The following KLB variants were observed in gnomAD, a reference collection of about 807,000 sequenced individuals.
KLB encodes beta-klotho.
KLB carries 44 observed loss-of-function variants against 88.4 expected under a neutral mutation model. The ratio of observed to expected loss-of-function variants is 0.50; its 90% CI spans 0.39 to 0.64. The LOEUF (loss-of-function observed/expected upper bound fraction) is 0.64, where lower values mean the gene tolerates loss of function less well. Ranked by LOEUF, KLB falls within the 30% of genes least tolerant of loss-of-function variation. The pLI is 0.00. For missense variants in KLB, 1,137 were observed against 1,304.8 expected (o/e 0.87, Z 1.98); for synonymous variants, 548 against 513.4 (o/e 1.07, Z -0.91).
rs560109973 is a variant in KLB, at chr4:39,450,288, T to C, written c.*1602T>C. The C allele has an allele frequency of 4.0e-4, 61 of 152,366 alleles. 1 individual carries two copies. Among genetic ancestry groups the C allele is most frequent in the African/African-American group, 1.5e-3 (61 of 41,592 alleles). 9.4% of individuals were successfully genotyped at this position (152,366 alleles called of 1,614,324 possible). A position where few individuals can be genotyped will look rare whatever the true frequency, so the allele number is the denominator to read the frequency against. The stretch of plus-strand genomic sequence containing the variant: ...CCCACTGCATACATTAATTTGTCCT[T>C]GTCTGCTCACTCCAGCAATTTAGAC... On this transcript the variant is annotated 3_prime_UTR_variant, in exon 5 of 5. Coordinates refer to ENST00000257408, the MANE Select transcript of KLB (RefSeq NM_175737.4).
At position 39,447,442 on chromosome 4, in the gene KLB, T is replaced by TACCTAGGGAAGTACC; in HGVS notation, c.2717_2731dup (p.Tyr910_Leu911insHisLeuGlyLysTyr). The TACCTAGGGAAGTACC allele has an allele frequency of 6.2e-7, 1 of 1,603,520 alleles. No homozygotes were observed. Among genetic ancestry groups the TACCTAGGGAAGTACC allele is most frequent in the South Asian group, 1.1e-5 (1 of 89,406 alleles). ...GGAGGATGACCGGCTCCGGAAGTAC[T>TACCTAGGGAAGTACC]ACCTAGGGAAGTACCTTCAGGAGGT... On this transcript the variant is annotated inframe_insertion, in exon 4 of 5. Coordinates refer to ENST00000257408, the MANE Select transcript of KLB (RefSeq NM_175737.4).
At chr4:39,413,008 T>C (rs1326842102) in intron 1 of KLB, among the ~76,000 whole-genome samples, 1 of 152,198 alleles carries the variant, frequency 6.6e-6, no homozygotes, top group African/African-American at 2.4e-5. Context: ...CTAATTCAAA[T>C]TGGCTAAAGC....
chr4:39,446,453 GCA>G lies in KLB; in HGVS notation c.1730_1731del (p.Thr577ArgfsTer10). 1 of 1,614,216 alleles carries G rather than the reference GCA, an allele frequency of 6.2e-7. No homozygotes were observed. On this transcript the variant is annotated frameshift_variant, in exon 4 of 5. Coordinates refer to ENST00000257408, the MANE Select transcript of KLB (RefSeq NM_175737.4). LOFTEE classifies it high-confidence loss of function. This position sits in a 1 kb window ranked among gnomAD's most constrained non-coding sequence, Gnocchi z 6.4. Reference sequence around the variant, plus strand: ...AGGCTGAAAACACGACCCGCTCAATGCACAGATTTTGTAAACATCAAAAAACA... The same window carrying G: ...AGGCTGAAAACACGACCCGCTCAATGCAGATTTTGTAAACATCAAAAAACA...
chr4:39,412,208 A>C (rs1190436613), intron 1 of KLB, among the ~76,000 whole-genome samples: 1 of 152,068 alleles, frequency 6.6e-6, no homozygotes, highest in Non-Finnish European at 1.5e-5. Flanking sequence ...CCCCAAAACT[A>C]TTGAAATTTT....
chr4:39,407,109 T>G lies in KLB; in HGVS notation c.160T>G (p.Ser54Ala), dbSNP rs1350166631. Residue 54 changes from serine to alanine, a missense_variant, in exon 1 of 5, where the codon TCT becomes GCT. Ser to Ala is a moderately conservative substitution (Grantham distance 99). Coordinates refer to ENST00000257408, the MANE Select transcript of KLB (RefSeq NM_175737.4). Reference protein sequence around the residue: ...LILLRAVTGFSGDGRAIWSKN... With the variant: ...LILLRAVTGFAGDGRAIWSKN... ...TCTGCTACGAGCTGTTACTGGATTC[T>G]CTGGAGATGGAAGAGCTATATGGTC... The G allele has an allele frequency of 1.4e-5, 23 of 1,614,208 alleles. No homozygotes were observed. The highest frequency in any genetic ancestry group is 2.2e-5 in the East Asian group (1 of 44,894).
intron 3 of KLB, among the ~76,000 whole-genome samples, chr4:39,444,128 G>T (rs903618407): frequency 3.9e-5 from 6 of 152,188 alleles, no homozygotes; most frequent in African/African-American, 1.4e-4. Flanking sequence ...TTGCACTCCA[G>T]CCTGGGCGAC....
At chr4:39,431,962 T>C (rs768947857) in intron 1 of KLB, among the ~76,000 whole-genome samples, 15 of 152,164 alleles carry the variant, frequency 9.9e-5, no homozygotes, top group Non-Finnish European at 1.9e-4. Context: ...GTGCTAAAGA[T>C]AATGAGTCTG....
intron 3 of KLB, among the ~76,000 whole-genome samples, chr4:39,440,591 T>C (rs1743577284): frequency 6.6e-6 from 1 of 152,110 alleles, no homozygotes; most frequent in Non-Finnish European, 1.5e-5. Context: ...TTTATATAGT[T>C]ATTTATTTTT....
chr4:39,423,141 AG>A (rs1400882355), intron 1 of KLB, among the ~76,000 whole-genome samples: 1 of 151,916 alleles, frequency 6.6e-6, no homozygotes, highest in Non-Finnish European at 1.5e-5. Context: ...GTGGTCCCTG[AG>A]GGATTCACTT....
Position 39,450,930 on chromosome 4 carries a change from T to C in KLB, c.*2244T>C, listed in dbSNP as rs1169505612. ...AATTTATCTTTCAGGTTTTGCTTTC[T>C]CTTTCTCACTTTGTTTAAAGTATCT... On this transcript the variant is annotated 3_prime_UTR_variant, in exon 5 of 5. Transcript: ENST00000257408. The C allele has an allele frequency of 1.3e-5, 2 of 152,220 alleles. No homozygotes were observed. Among genetic ancestry groups the C allele is most frequent in the East Asian group, 3.9e-4 (2 of 5,186 alleles). The allele number at this position is 152,220 out of a possible 1,614,324, so 9.4% of individuals were successfully genotyped here.
At chr4:39,424,257 G>C (rs1332920153) in intron 1 of KLB, among the ~76,000 whole-genome samples, 1 of 151,672 alleles carries the variant, frequency 6.6e-6, no homozygotes, top group Non-Finnish European at 1.5e-5. Context: ...TTTTTGTAGA[G>C]ACGAGGTTTT....
intron 4 of KLB, 31 bp downstream of exon 4, chr4:39,447,506 AGAGC>A (rs1444602866): frequency 4.0e-6 from 6 of 1,494,618 alleles, no homozygotes; most frequent in African/African-American, 1.4e-5. Context: ...GACACAGGGC[AGAGC>A]GAGATTCCTG....
chr4:39,451,169 A>G lies in KLB; in HGVS notation c.*2483A>G, dbSNP rs745351087. On this transcript the variant is annotated 3_prime_UTR_variant, in exon 5 of 5. Transcript: ENST00000257408. ...ATCGCACAAGAATCCAAAAACCCTT[A>G]AATTTTTTAACCACTGGCAAATATG... 6.6e-6 allele frequency: 1 copy of G among 152,214 alleles called. No homozygotes were observed. The highest frequency in any genetic ancestry group is 1.5e-5 in the Non-Finnish European group (1 of 68,030). 9.4% of individuals were successfully genotyped at this position (152,214 alleles called of 1,614,324 possible). A position where few individuals can be genotyped will look rare whatever the true frequency, so the allele number is the denominator to read the frequency against.
chr4:39,413,992 A>G (rs995661283), intron 1 of KLB, among the ~76,000 whole-genome samples: 5 of 151,954 alleles, frequency 3.3e-5, no homozygotes, highest in African/African-American at 1.2e-4. Context: ...CAGCATCTAA[A>G]CTCTACTCAC....
At chr4:39,427,473 ACT>A (rs1347211004) in intron 1 of KLB, among the ~76,000 whole-genome samples, 1 of 111,826 alleles carries the variant, frequency 8.9e-6, no homozygotes, top group Non-Finnish European at 1.9e-5. Flanking sequence ...ACAGAGGGAG[ACT>A]CTGTCTCAAA....
chr4:39,445,446 C>T (rs1174807275), intron 3 of KLB, among the ~76,000 whole-genome samples: 2 of 151,688 alleles, frequency 1.3e-5, no homozygotes, highest in African/African-American at 2.4e-5. Flanking sequence ...TTCTCACAGG[C>T]ACATGGGTCG....
chr4:39,447,894 C>CAA, intron 4 of KLB, among the ~76,000 whole-genome samples: 1 of 152,270 alleles, frequency 6.6e-6, no homozygotes, highest in East Asian at 1.9e-4. Context: ...CTTAAGCGAG[C>CAA]GACAGTGAGT....
rs1187674483 is a variant in KLB, at chr4:39,450,079, T to C, written c.*1393T>C. 1.3e-5 allele frequency: 2 copies of C among 152,252 alleles called. No individual in the cohort carries two copies. The highest frequency in any genetic ancestry group is 3.8e-4 in the East Asian group (2 of 5,206). 9.4% of individuals were successfully genotyped at this position (152,252 alleles called of 1,614,324 possible). A position where few individuals can be genotyped will look rare whatever the true frequency, so the allele number is the denominator to read the frequency against. On this transcript the variant is annotated 3_prime_UTR_variant, in exon 5 of 5. Transcript: ENST00000257408. ...AACAATTCAGAATACTGAATGAGTT[T>C]AAATTGTTTTATATAGCACCCTTTT... is the stretch of plus-strand genomic sequence containing the variant.
chr4:39,434,505 T>A lies in KLB; in HGVS notation c.1121T>A (p.Phe374Tyr). 1 of 1,614,210 alleles carries A rather than the reference T, an allele frequency of 6.2e-7. No homozygotes were observed. Among genetic ancestry groups the A allele is most frequent in the Non-Finnish European group, 8.5e-7 (1 of 1,180,036 alleles). ...ACAGCTGATTTCTTTGCCTTTTCTT[T>A]TGGACCCAACAACTTCAAGCCCCTA... ...RGTADFFAFS[F>Y]GPNNFKPLNT... The change falls in exon 2 of 5, where the codon TTT (phenylalanine) becomes TAT (tyrosine). Residue 374 changes from phenylalanine (F) to tyrosine (Y), a missense_variant. By Grantham distance (22) the Phe-to-Tyr change is conservative. Around this residue, in one of 4 missense-constraint regions of KLB, gnomAD observed 597 missense variants for 765.2 expected, o/e 0.78. Coordinates refer to ENST00000257408, the MANE Select transcript of KLB (RefSeq NM_175737.4).
Sources: allele counts gnomAD v4.1 joint callset (sites outside exome capture counted in the v4.1 genomes callset), GRCh38; gene constraint gnomAD v4.1.1; regional missense constraint gnomAD v4.1.1; non-coding constraint Gnocchi (gnomAD v3.1); transcripts MANE v1.5; gene names NCBI Gene and HGNC (gene_info 2026-07-23, HGNC 2026-07-21).